Variants in NPAS3 observed in about 807,000 individuals in gnomAD.
NPAS3 encodes neuronal PAS domain-containing protein 3.
A neutral mutation model predicts 73.1 loss-of-function variants in NPAS3; 14 were observed. The observed-to-expected ratio is 0.19, with a 90% CI of 0.13 to 0.30. The LOEUF (loss-of-function observed/expected upper bound fraction) is 0.30. NPAS3 is among the 10% of genes least tolerant of loss of function. The pLI, the probability that NPAS3 is intolerant of heterozygous loss-of-function variation, is 1.00. For synonymous variants in NPAS3, 620 were observed against 541.5 expected, an observed-to-expected ratio of 1.14 and a Z score of -2.01; for missense variants, 1,096 against 1,250.0, an observed-to-expected ratio of 0.88 and a Z score of 1.86.
intron 2 of NPAS3, among the ~76,000 whole-genome samples, chr14:33,119,828 G>A (rs187414853): frequency 1.5e-4 from 23 of 152,076 alleles, no homozygotes; most frequent in African/African-American, 5.1e-4. Flanking sequence ...TCATCCTTAC[G>A]GATGGTTCTG....
At chr14:33,213,982 C>G (rs998405645) in intron 2 of NPAS3, 6 of 152,060 alleles carry the variant, frequency 3.9e-5, no homozygotes, top group African/African-American at 1.4e-4. Context: ...AGAACGGAGC[C>G]TTGCTGCTGA....
intron 3 of NPAS3, among the ~76,000 whole-genome samples, chr14:33,275,535 C>A (rs2140033972): frequency 6.6e-6 from 1 of 152,248 alleles, no homozygotes; most frequent in African/African-American, 2.4e-5. Flanking sequence ...AAATTAGTGA[C>A]AGAGATTTTC....
intron 4 of NPAS3, among the ~76,000 whole-genome samples, 166 bp downstream of exon 4, chr14:33,367,434 A>G (rs1286426260): frequency 1.3e-5 from 2 of 152,154 alleles, no homozygotes; most frequent in Non-Finnish European, 2.9e-5. Flanking sequence ...TCTTTTTAGA[A>G]AGCCATCCTT....
chr14:33,366,604 T>C (rs1175521700), intron 3 of NPAS3, among the ~76,000 whole-genome samples: 1 of 152,200 alleles, frequency 6.6e-6, no homozygotes, highest in African/African-American at 2.4e-5. Flanking sequence ...TTCACATGAA[T>C]ATGCAGTAAA....
At chr14:33,277,004 G>A (rs1191293073) in intron 3 of NPAS3, among the ~76,000 whole-genome samples, 1 of 152,036 alleles carries the variant, frequency 6.6e-6, no homozygotes, top group Admixed American at 6.6e-5. Flanking sequence ...TTACATTCTA[G>A]CAGAGAGAAA....
At chr14:33,508,780 A>G (rs1262183574) in intron 4 of NPAS3, among the ~76,000 whole-genome samples, 1 of 152,020 alleles carries the variant, frequency 6.6e-6, no homozygotes, top group East Asian at 1.9e-4. Flanking sequence ...GCCTCCCTTA[A>G]CTGTGGTATA....
intron 5 of NPAS3, among the ~76,000 whole-genome samples, chr14:33,626,794 T>C (rs1439442754): frequency 6.6e-6 from 1 of 152,120 alleles, no homozygotes; most frequent in Non-Finnish European, 1.5e-5. Context: ...ATACATCAGT[T>C]TTGTAGTATT....
intron 3 of NPAS3, among the ~76,000 whole-genome samples, chr14:33,252,045 G>A (rs992437796): frequency 1.4e-4 from 15 of 105,986 alleles, no homozygotes; most frequent in African/African-American, 4.8e-4. Context: ...GGGTGTTTGC[G>A]TGTGTGTGTG....
chr14:33,634,881 C>T (rs1420053811), intron 5 of NPAS3, among the ~76,000 whole-genome samples: 8 of 152,194 alleles, frequency 5.3e-5, no homozygotes, highest in Admixed American at 5.2e-4. Context: ...CCCAGGCCAG[C>T]AGCATCACCT....
At chr14:33,229,628 G>A (rs1184595468) in intron 3 of NPAS3, among the ~76,000 whole-genome samples, 1 of 152,214 alleles carries the variant, frequency 6.6e-6, no homozygotes, top group Non-Finnish European at 1.5e-5. Flanking sequence ...TGTGAAGTCA[G>A]TCATTTCTTG....
At chr14:32,970,861 T>G (rs1206385648) in intron 1 of NPAS3, among the ~76,000 whole-genome samples, 1 of 152,170 alleles carries the variant, frequency 6.6e-6, no homozygotes, top group Non-Finnish European at 1.5e-5. Flanking sequence ...AGAACCCACC[T>G]TAATGACCTT....
intron 4 of NPAS3, among the ~76,000 whole-genome samples, chr14:33,391,187 CTTTTTTTTTTTT>C: frequency 9.1e-6 from 1 of 109,820 alleles, no homozygotes; most frequent in Non-Finnish European, 1.8e-5. Flanking sequence ...TGGCCCATAT[CTTTTTTTTTTTT>C]TTTTTTTTTT....
chr14:33,362,001 T>C (rs1594769745), intron 3 of NPAS3, among the ~76,000 whole-genome samples: 1 of 152,236 alleles, frequency 6.6e-6, no homozygotes, highest in Non-Finnish European at 1.5e-5. Flanking sequence ...TTATTTGTTT[T>C]CATATATATA....
At chr14:33,165,345 G>A (rs1036765507) in intron 2 of NPAS3, among the ~76,000 whole-genome samples, 31 of 151,200 alleles carry the variant, frequency 2.1e-4, no homozygotes, top group African/African-American at 3.2e-4. Flanking sequence ...GGCTATCCTC[G>A]TATTATCATT....
At chr14:33,483,580 GCAGA>G (rs2051434905) in intron 4 of NPAS3, among the ~76,000 whole-genome samples, 1 of 152,144 alleles carries the variant, frequency 6.6e-6, no homozygotes. Flanking sequence ...CCTTCACACA[GCAGA>G]CAGTTACCTA....
At chr14:33,185,958 A>G (rs905772711) in intron 2 of NPAS3, among the ~76,000 whole-genome samples, 10 of 152,194 alleles carry the variant, frequency 6.6e-5, no homozygotes, top group African/African-American at 2.2e-4. Context: ...TCTGTTTATC[A>G]TATACCACAA....
intron 2 of NPAS3, among the ~76,000 whole-genome samples, chr14:33,072,898 A>G (rs1595380720): frequency 6.6e-6 from 1 of 152,246 alleles, no homozygotes; most frequent in South Asian, 2.1e-4. Flanking sequence ...TATTTTTGGT[A>G]TTTCATTTAT....
intron 6 of NPAS3, among the ~76,000 whole-genome samples, chr14:33,712,179 T>C (rs964617149): frequency 6.6e-6 from 1 of 152,160 alleles, no homozygotes; most frequent in Non-Finnish European, 1.5e-5. Flanking sequence ...GGGGCAGTGA[T>C]GGGAAGGACC....
At chr14:33,323,022 C>T (rs2043526356) in intron 3 of NPAS3, among the ~76,000 whole-genome samples, 1 of 152,172 alleles carries the variant, frequency 6.6e-6, no homozygotes, top group Admixed American at 6.6e-5. Flanking sequence ...CATCACTTCT[C>T]TCTACTAAGA....
Sources: gnomAD v4.1 joint callset for allele counts (sites outside exome capture counted in the v4.1 genomes callset) on GRCh38, gnomAD v4.1.1 for gene constraint, MANE v1.5 for transcripts, NCBI Gene and HGNC (gene_info 2026-07-23, HGNC 2026-07-21) for gene names.